EXTL3: variants seen among roughly 807,000 people sequenced by gnomAD.
EXTL3 encodes exostosin like glycosyltransferase 3, also known as exostosin-like 3.
EXTL3 carries 27 observed loss-of-function variants against 69.3 expected under a neutral mutation model. The observed-to-expected ratio is 0.39, with a 90% CI of 0.29 to 0.54. The LOEUF (loss-of-function observed/expected upper bound fraction) is 0.54. Among genes scored for constraint, EXTL3 ranks in the 20% least tolerant of loss-of-function variants. The pLI, the probability that EXTL3 is intolerant of heterozygous loss-of-function variation, is 0.69. For missense variants in EXTL3, 1,003 were observed against 1,231.8 expected, an observed-to-expected ratio of 0.81 and a Z score of 2.78; for synonymous variants, 511 against 499.4, an observed-to-expected ratio of 1.02 and a Z score of -0.31.
intron 6 of EXTL3, among the ~76,000 whole-genome samples, chr8:28,746,009 CTAAT>C (rs1429957797): frequency 6.6e-6 from 1 of 152,108 alleles, no homozygotes; most frequent in African/African-American, 2.4e-5. Flanking sequence ...ACTTATGAAT[CTAAT>C]TATTTACTTC....
At chr8:28,737,721 T>C in intron 5 of EXTL3, 58 bp downstream of exon 5, 2 of 1,560,302 alleles carry the variant, frequency 1.3e-6, no homozygotes, top group Non-Finnish European at 1.8e-6. Flanking sequence ...CTTTGTGTGG[T>C]AGCGGAATGC....
intron 1 of EXTL3, among the ~76,000 whole-genome samples, chr8:28,654,999 C>T (rs927331340): frequency 3.9e-5 from 6 of 152,030 alleles, no homozygotes; most frequent in Admixed American, 1.3e-4. Flanking sequence ...AGAGTAAGGC[C>T]GATGTATTTT....
rs1387544125 is a variant in EXTL3 at position 28,753,035 on chromosome 8, A to G, written c.*2169A>G. The G allele has an allele frequency of 6.6e-6, 1 of 152,348 alleles. No individual in the cohort carries two copies. The highest frequency in any genetic ancestry group is 6.5e-5 in the Admixed American group (1 of 15,270). The allele number at this position is 152,348 out of a possible 1,614,324, so 9.4% of individuals were successfully genotyped here. On this transcript the variant is annotated 3_prime_UTR_variant, in exon 7 of 7. Coordinates refer to ENST00000220562, the MANE Select transcript of EXTL3 (RefSeq NM_001440.4). The stretch of plus-strand genomic sequence containing the variant: ...CCGAATGTCACTGGTGGATCTAAGA[A>G]GGGCTGAGTGGTCTGACACCAAAAC...
intron 1 of EXTL3, among the ~76,000 whole-genome samples, chr8:28,711,498 C>T (rs1801030707): frequency 6.6e-6 from 1 of 151,936 alleles, no homozygotes; most frequent in South Asian, 2.1e-4. Flanking sequence ...TTAATTTGTG[C>T]AATAACCCTG....
chr8:28,718,002 A>G lies in EXTL3; in HGVS notation c.1943A>G (p.Lys648Arg), dbSNP rs368676648. Residue 648 changes from lysine (K) to arginine (R), a missense_variant, in exon 3 of 7, where the codon AAG becomes AGG. Lys to Arg is a conservative substitution (Grantham distance 26, BLOSUM62 2). This residue lies in a region of EXTL3 where 261 missense variants were observed against 416.4 expected (regional missense o/e 0.63). Transcript: ENST00000220562. ...GGTGGTGGAGCTGGGGGTTCTGGCA[A>G]GGAATTTCAGGCAGCGCTTGGAGGC... ...PIGGGAGGSG[K>R]EFQAALGGNV... is the part of the protein sequence containing the mutation. 5.0e-6 allele frequency: 8 copies of G among 1,613,936 alleles called. No homozygotes were observed. The African/African-American group carries it at 8.0e-5, about 16-fold the overall frequency.
chr8:28,635,450 C>T lies in EXTL3; in HGVS notation c.-53+12640C>T, dbSNP rs191007671. On this transcript the variant is annotated intron_variant, in intron 1 of 6. Transcript: ENST00000523149. ...AGCGCAGTGGCTCACACCTGTAATC[C>T]CAGCACTCTGGGAGGCCGAGGCGGG... is the stretch of plus-strand genomic sequence containing the variant. Among the ~76,000 whole-genome samples the T allele has an allele frequency of 4.8e-3, 717 of 150,326 alleles. 3 individuals carry two copies. The highest frequency in any genetic ancestry group is 9.8e-3 in the South Asian group (46 of 4,708).
intron 1 of EXTL3, among the ~76,000 whole-genome samples, chr8:28,672,885 G>A (rs1179108422): frequency 6.6e-6 from 1 of 152,172 alleles, no homozygotes; most frequent in East Asian, 1.9e-4. Context: ...CCCGGTGGGA[G>A]GTAATTGAAT....
Position 28,703,764 on chromosome 8 carries a change from C to G in EXTL3, c.-570+2105C>G, listed in dbSNP as rs571010005. On this transcript the variant is annotated intron_variant, in intron 1 of 6. Coordinates refer to ENST00000220562, the MANE Select transcript of EXTL3 (RefSeq NM_001440.4). ...CGAGGAATATGAAACCAGGACGTTT[C>G]ATAACGTCCTAAAACTGCCTACTCC... 4.1e-3 allele frequency among the ~76,000 whole-genome samples: 630 copies of G among 152,298 alleles called. 6 individuals are homozygous for G. Among genetic ancestry groups the G allele is most frequent in the African/African-American group, 0.014 (597 of 41,554 alleles).
intron 1 of EXTL3, among the ~76,000 whole-genome samples, chr8:28,642,586 C>T (rs1806761737): frequency 6.6e-6 from 1 of 151,968 alleles, no homozygotes; most frequent in Non-Finnish European, 1.5e-5. Flanking sequence ...CCAGTGTACT[C>T]CAGTCGGGGA....
chr8:28,669,392 T>C (rs1807250448), intron 1 of EXTL3, among the ~76,000 whole-genome samples: 1 of 152,248 alleles, frequency 6.6e-6, no homozygotes, highest in East Asian at 1.9e-4. Context: ...GCTATGCAGC[T>C]TTGCTGCTCT....
At chr8:28,667,362 G>A (rs1483569633) in intron 1 of EXTL3, among the ~76,000 whole-genome samples, 1 of 152,182 alleles carries the variant, frequency 6.6e-6, no homozygotes, top group Non-Finnish European at 1.5e-5. Context: ...TGGTCAAGAA[G>A]AGCATTCAGA....
intron 4 of EXTL3, among the ~76,000 whole-genome samples, chr8:28,731,870 AGGAGGT>A (rs1180717073): frequency 6.6e-6 from 1 of 151,962 alleles, no homozygotes; most frequent in Non-Finnish European, 1.5e-5. Flanking sequence ...GAGGAGGAAA[AGGAGGT>A]GGTGGTAATG....
At chr8:28,653,254 C>T (rs1052712951) in intron 1 of EXTL3, among the ~76,000 whole-genome samples, 65 of 152,100 alleles carry the variant, frequency 4.3e-4, no homozygotes, top group Non-Finnish European at 8.8e-5. Flanking sequence ...GAGTTTTTTA[C>T]GTATTCTGGA....
At position 28,716,487 on chromosome 8, in the gene EXTL3, A is replaced by G; in HGVS notation, c.428A>G (p.Lys143Arg). The G allele has an allele frequency of 2.5e-6, 4 of 1,614,002 alleles. No individual in the cohort carries two copies. The highest frequency in any genetic ancestry group is 1.1e-5 in the South Asian group (1 of 91,088). ...ATCAGCCAGACCGAGCATTCCTACA[A>G]GGAGCTCATGGCCCAGAACCAGCCC... ...NVISQTEHSY[K>R]ELMAQNQPKL... The change falls in exon 3 of 7, where the codon AAG (lysine) becomes AGG (arginine). Residue 143 changes from lysine to arginine, a missense_variant. Coordinates refer to ENST00000220562, the MANE Select transcript of EXTL3 (RefSeq NM_001440.4). The surrounding 1 kb of genome is among the most constrained non-coding windows in gnomAD (Gnocchi z 7.1).
intron 3 of EXTL3, among the ~76,000 whole-genome samples, chr8:28,729,354 T>A (rs1004488006): frequency 6.0e-5 from 9 of 149,646 alleles, no homozygotes; most frequent in African/African-American, 2.2e-4. Context: ...CCCAGCACTT[T>A]GGGAGGCCAA....
rs754331402 is a variant in EXTL3 at position 28,754,645 on chromosome 8, G to A, written c.*3779G>A. 6.6e-6 allele frequency: 1 copy of A among 152,268 alleles called. No individual in the cohort carries two copies. Among genetic ancestry groups the A allele is most frequent in the Non-Finnish European group, 1.5e-5 (1 of 68,088 alleles). The allele number at this position is 152,268 out of a possible 1,614,324, so 9.4% of individuals were successfully genotyped here. A position where few individuals can be genotyped will look rare whatever the true frequency, so the allele number is the denominator to read the frequency against. ...GTCTTCCTATACACAGAGATATGAT[G>A]TCTGCTTTGAGTCTATACCTGTCGA... On this transcript the variant is annotated 3_prime_UTR_variant, in exon 7 of 7. Coordinates refer to ENST00000220562, the MANE Select transcript of EXTL3 (RefSeq NM_001440.4).
At chr8:28,702,081 C>T (rs1399058784) in intron 1 of EXTL3, among the ~76,000 whole-genome samples, 2 of 152,240 alleles carry the variant, frequency 1.3e-5, no homozygotes, top group Non-Finnish European at 2.9e-5. Context: ...TCTCTGGCTG[C>T]TGGCCCGGAG....
intron 1 of EXTL3, among the ~76,000 whole-genome samples, chr8:28,686,404 T>C (rs993918007): frequency 6.6e-6 from 1 of 152,120 alleles, no homozygotes; most frequent in African/African-American, 2.4e-5. Context: ...ATGATAGTTT[T>C]TGAAGTGGGC....
At chr8:28,664,574 G>T (rs573338732) in intron 1 of EXTL3, among the ~76,000 whole-genome samples, 20 of 152,148 alleles carry the variant, frequency 1.3e-4, no homozygotes, top group African/African-American at 4.8e-4. Flanking sequence ...GTTTTGACAG[G>T]TCTCAATATT....
Sources: allele counts gnomAD v4.1 joint callset (sites outside exome capture counted in the v4.1 genomes callset), GRCh38; gene constraint gnomAD v4.1.1; regional missense constraint gnomAD v4.1.1; non-coding constraint Gnocchi (gnomAD v3.1); transcripts MANE v1.5; gene names NCBI Gene and HGNC (gene_info 2026-07-23, HGNC 2026-07-21).